THSD4: variants seen among roughly 807,000 people sequenced by gnomAD.
The protein encoded by THSD4 is thrombospondin type 1 domain containing 4, also known as thrombospondin type-1 domain-containing protein 4.
In THSD4, 69 loss-of-function variants were observed where a neutral mutation model predicts 119.0. That is an observed-to-expected ratio of 0.58 (90% CI 0.48 to 0.71). The LOEUF is 0.71. THSD4 is among the 30% of genes least tolerant of loss of function. The pLI is 0.00. For missense variants in THSD4, 1,393 were observed against 1,391.1 expected (o/e 1.00, Z -0.02); for synonymous variants, 524 against 540.4 (o/e 0.97, Z 0.42).
intron 7 of THSD4, among the ~76,000 whole-genome samples, chr15:71,476,430 CAGGGTTT>C (rs879778712): frequency 4.6e-5 from 7 of 152,268 alleles, no homozygotes; most frequent in South Asian, 2.1e-4. Context: ...TTAGTAGAGA[CAGGGTTT>C]CACCATGTTG....
At chr15:71,470,134 G>A (rs972534350) in intron 7 of THSD4, among the ~76,000 whole-genome samples, 1 of 152,194 alleles carries the variant, frequency 6.6e-6, no homozygotes, top group Non-Finnish European at 1.5e-5. Context: ...AGTTTATAAA[G>A]TAGTTTGTTT....
intron 6 of THSD4, among the ~76,000 whole-genome samples, chr15:71,280,433 C>A (rs903093517): frequency 6.6e-6 from 1 of 152,074 alleles, no homozygotes; most frequent in Non-Finnish European, 1.5e-5. Flanking sequence ...CTCTTTGGAA[C>A]AAAAGGGGTG....
Position 71,490,819 on chromosome 15 carries a change from G to A in THSD4, c.1152+78996G>A, listed in dbSNP as rs376146917. ...AATCCAGTCTACTGCTACCTGTTTC[G>A]GAAATAAAGTTTTATTAGAATATAA... On this transcript the variant is annotated intron_variant, in intron 7 of 17. Coordinates refer to ENST00000261862, the MANE Select transcript of THSD4 (RefSeq NM_024817.3). 6.1e-4 allele frequency among the ~76,000 whole-genome samples: 93 copies of A among 152,254 alleles called. No individual in the cohort carries two copies. The South Asian group carries it at 0.012, about 20-fold the overall frequency.
chr15:71,153,059 C>G (rs544647775), intron 2 of THSD4, among the ~76,000 whole-genome samples: 1 of 152,176 alleles, frequency 6.6e-6, no homozygotes, highest in Non-Finnish European at 1.5e-5. Flanking sequence ...CTCCAGTCTT[C>G]CCTCCTGGAT....
chr15:71,243,179 G>A (rs1055170872), intron 5 of THSD4, 83 bp downstream of exon 5: 1 of 1,369,792 alleles, frequency 7.3e-7, no homozygotes, highest in Admixed American at 2.3e-5. Flanking sequence ...GATGAAGACA[G>A]CAAGGATATG....
Position 71,418,906 on chromosome 15 carries a change from G to T in THSD4, c.1152+7083G>T, listed in dbSNP as rs1596419376. Reference sequence around the variant, plus strand: ...CTTCATGGTTTAATCTTGATAGGTTGTATGTATCTAGGAATGTTATTCATT... The same window carrying T: ...CTTCATGGTTTAATCTTGATAGGTTTTATGTATCTAGGAATGTTATTCATT... On this transcript the variant is annotated intron_variant, in intron 7 of 17. Transcript: ENST00000261862. 3.7e-5 allele frequency among the ~76,000 whole-genome samples: 4 copies of T among 108,344 alleles called. 1 individual carries two copies. Among genetic ancestry groups the T allele is most frequent in the Admixed American group, 2.4e-4 (2 of 8,418 alleles). 71.1% of individuals were successfully genotyped at this position (108,344 alleles called of 152,430 possible). A position where few individuals can be genotyped will look rare whatever the true frequency, so the allele number is the denominator to read the frequency against.
intron 7 of THSD4, among the ~76,000 whole-genome samples, chr15:71,454,685 C>G (rs1010406915): frequency 6.6e-6 from 1 of 152,234 alleles, no homozygotes. Flanking sequence ...AAAATTCATT[C>G]TAAGTGGTCA....
At chr15:71,498,859 CTTT>C (rs56282942) in intron 7 of THSD4, among the ~76,000 whole-genome samples, 23 of 121,310 alleles carry the variant, frequency 1.9e-4, no homozygotes, top group Admixed American at 2.5e-4. Flanking sequence ...CCACATTGTA[CTTT>C]TTTTTTTTTT....
chr15:71,771,016 C>G (rs1308938313), intron 16 of THSD4, 48 bp from the exon 17 acceptor site: 2 of 1,600,622 alleles, frequency 1.2e-6, no homozygotes, highest in Admixed American at 3.5e-5. Context: ...GTGTGCTGAG[C>G]TATTGGTCTG....
chr15:71,656,613 G>A (rs1364075058), intron 7 of THSD4, among the ~76,000 whole-genome samples: 3 of 152,102 alleles, frequency 2.0e-5, no homozygotes, highest in Non-Finnish European at 4.4e-5. Context: ...TCACTGTCAC[G>A]ATCTACTCCT....
At chr15:71,683,234 A>G (rs965293541) in intron 8 of THSD4, among the ~76,000 whole-genome samples, 1 of 151,930 alleles carries the variant, frequency 6.6e-6, no homozygotes, top group Admixed American at 6.6e-5. Flanking sequence ...GCTTCTTTTC[A>G]ATAACAATTT....
At chr15:71,398,003 C>T (rs2046475268) in intron 6 of THSD4, among the ~76,000 whole-genome samples, 1 of 152,122 alleles carries the variant, frequency 6.6e-6, no homozygotes, top group South Asian at 2.1e-4. Context: ...CAAGTATTTT[C>T]ACTTTTCTGG....
At chr15:71,721,030 G>A (rs756533287) in intron 8 of THSD4, among the ~76,000 whole-genome samples, 1 of 152,208 alleles carries the variant, frequency 6.6e-6, no homozygotes, top group Non-Finnish European at 1.5e-5. Flanking sequence ...TATTTTGGTT[G>A]TAGGAACAAG....
chr15:71,556,853 G>T (rs1177147407), intron 7 of THSD4, among the ~76,000 whole-genome samples: 3 of 150,802 alleles, frequency 2.0e-5, no homozygotes, highest in African/African-American at 7.3e-5. Context: ...AGGAACTTTT[G>T]TAATTTCTAG....
At chr15:71,347,200 TTGTAAC>T (rs2045675615) in intron 6 of THSD4, among the ~76,000 whole-genome samples, 1 of 152,148 alleles carries the variant, frequency 6.6e-6, no homozygotes, top group Non-Finnish European at 1.5e-5. Context: ...CTTTCTGCAG[TTGTAAC>T]TCTCTTCTCT....
At chr15:71,603,240 A>AG (rs1038688070) in intron 7 of THSD4, among the ~76,000 whole-genome samples, 1 of 152,178 alleles carries the variant, frequency 6.6e-6, no homozygotes, top group Non-Finnish European at 1.5e-5. Context: ...TTGAAGGGTG[A>AG]GGGGAATGGA....
intron 7 of THSD4, among the ~76,000 whole-genome samples, chr15:71,587,690 G>A (rs1319997193): frequency 7.4e-6 from 1 of 135,168 alleles, no homozygotes; most frequent in African/African-American, 2.6e-5. Context: ...GAGTTAGTGG[G>A]TGCAGCGCAC....
chr15:71,113,615 A>T (rs1292885090), upstream of THSD4: 4 of 152,326 alleles, frequency 2.6e-5, no homozygotes, highest in East Asian at 5.8e-4. Flanking sequence ...GAGCTCTTAA[A>T]TACTTCTGCA....
At chr15:71,693,261 C>T (rs1408084759) in intron 8 of THSD4, among the ~76,000 whole-genome samples, 3 of 152,198 alleles carry the variant, frequency 2.0e-5, no homozygotes, top group African/African-American at 7.2e-5. Context: ...TCCATACATT[C>T]TTTCTGGTGA....
Sources: gnomAD v4.1 joint callset for allele counts (sites outside exome capture counted in the v4.1 genomes callset) on GRCh38, gnomAD v4.1.1 for gene constraint, MANE v1.5 for transcripts, NCBI Gene and HGNC (gene_info 2026-07-23, HGNC 2026-07-21) for gene names.